Variants in UNC13C observed in about 807,000 individuals in gnomAD.
UNC13C encodes the protein protein unc-13 homolog C.
In UNC13C, 174 loss-of-function variants were observed where a neutral mutation model predicts 245.4. That is an observed-to-expected ratio of 0.71 (90% CI 0.63 to 0.80). The LOEUF is 0.80. Ranked by LOEUF, UNC13C falls within the 30% of genes least tolerant of loss-of-function variation. The pLI is 0.00. For missense variants in UNC13C, 2,829 were observed against 2,602.9 expected, an observed-to-expected ratio of 1.09 and a Z score of -1.89; for synonymous variants, 992 against 895.1, an observed-to-expected ratio of 1.11 and a Z score of -1.93.
chr15:54,118,530 CCTT>C (rs2030436365), intron 2 of UNC13C, among the ~76,000 whole-genome samples: 1 of 151,816 alleles, frequency 6.6e-6, no homozygotes, highest in Non-Finnish European at 1.5e-5. Context: ...TTCGTTTATC[CCTT>C]CTTATAATTT....
intron 30 of UNC13C, among the ~76,000 whole-genome samples, chr15:54,614,941 T>C (rs1341100768): frequency 1.3e-5 from 2 of 152,100 alleles, no homozygotes; most frequent in African/African-American, 2.4e-5. Context: ...AGAAGCTATC[T>C]CCAGTGAGTT....
intron 30 of UNC13C, among the ~76,000 whole-genome samples, chr15:54,620,800 A>C (rs996900525): frequency 1.3e-5 from 2 of 151,644 alleles, no homozygotes; most frequent in Non-Finnish European, 2.9e-5. Context: ...AAAAAAAAAA[A>C]ACCTCTCTCC....
At chr15:54,038,124 A>ATATATTTTTTTTTTTTTTTT in intron 2 of UNC13C, among the ~76,000 whole-genome samples, 9 of 45,032 alleles carry the variant, frequency 2.0e-4, no homozygotes, top group East Asian at 2.2e-3. Flanking sequence ...ATATATATAT[A>ATATATTTTTTTTTTTTTTTT]TTTTTTTTTT....
At chr15:53,985,188 G>A (rs146757153) in intron 1 of UNC13C, among the ~76,000 whole-genome samples, 12 of 151,966 alleles carry the variant, frequency 7.9e-5, no homozygotes, top group African/African-American at 2.7e-4. Context: ...ATGAGTGAGA[G>A]CATGTGGTGT....
rs113750189 is a variant in UNC13C at position 54,097,553 on chromosome 15, A to G, written c.2984-45465A>G. Among the ~76,000 whole-genome samples, 253 of 152,324 alleles carry G rather than the reference A, an allele frequency of 1.7e-3. 1 individual carries two copies. The highest frequency in any genetic ancestry group is 2.9e-3 in the Non-Finnish European group (194 of 68,022). ...TAACTTGTAATGGAATCTGGGCCCC[A>G]AGTGAAATGAGTTATTTTCTAGAAA... On this transcript the variant is annotated intron_variant, in intron 2 of 32. Transcript: ENST00000260323.
At chr15:54,323,959 C>T (rs2038230600) in intron 14 of UNC13C, among the ~76,000 whole-genome samples, 1 of 151,966 alleles carries the variant, frequency 6.6e-6, no homozygotes, top group Non-Finnish European at 1.5e-5. Flanking sequence ...AGATAACATG[C>T]TCCTTTACTT....
chr15:54,365,636 G>T (rs1017944325), intron 17 of UNC13C, among the ~76,000 whole-genome samples: 1 of 151,970 alleles, frequency 6.6e-6, no homozygotes, highest in Non-Finnish European at 1.5e-5. Flanking sequence ...GATTTTATGT[G>T]TTAACTATGA....
chr15:54,622,169 A>ATACTT (rs1441377127), intron 30 of UNC13C, among the ~76,000 whole-genome samples, 158 bp from the exon 31 acceptor site: 1 of 152,214 alleles, frequency 6.6e-6, no homozygotes, highest in Admixed American at 6.5e-5. Context: ...CTTGCATTTC[A>ATACTT]TACTTAAGTG....
intron 2 of UNC13C, among the ~76,000 whole-genome samples, chr15:54,078,904 G>A (rs1447834227): frequency 6.6e-6 from 1 of 152,068 alleles, no homozygotes; most frequent in South Asian, 2.1e-4. Context: ...ATCCAGAAGA[G>A]TTTCTCCTAG....
chr15:54,630,523 A>C (rs749745970), downstream of UNC13C: 15 of 152,216 alleles, frequency 9.9e-5, no homozygotes, highest in Non-Finnish European at 2.1e-4. Context: ...ATAAATGATC[A>C]TACTTATACA....
At chr15:54,511,860 A>G (rs1239438965) in intron 24 of UNC13C, 30 bp downstream of exon 24, 1 of 1,513,928 alleles carries the variant, frequency 6.6e-7, no homozygotes, top group African/African-American at 1.4e-5. Context: ...ACATTTGCTA[A>G]AAACCTACTT....
the UNC13C span, among the ~76,000 whole-genome samples, chr15:53,960,604 T>A: frequency 6.6e-6 from 1 of 152,214 alleles, no homozygotes; most frequent in African/African-American, 2.4e-5. Context: ...AAGAATGTGA[T>A]CTGGAAATGA....
intron 30 of UNC13C, among the ~76,000 whole-genome samples, chr15:54,619,512 A>G (rs1048566384): frequency 1.3e-5 from 2 of 152,198 alleles, no homozygotes; most frequent in East Asian, 3.9e-4. Context: ...GTGTGTGAAC[A>G]GGAACACAGT....
intron 1 of UNC13C, among the ~76,000 whole-genome samples, chr15:53,980,270 G>T (rs527779200): frequency 3.9e-5 from 6 of 152,148 alleles, no homozygotes; most frequent in Non-Finnish European, 5.9e-5. Flanking sequence ...AAAATTCCAC[G>T]CATGACTATA....
intron 2 of UNC13C, among the ~76,000 whole-genome samples, chr15:54,072,153 A>G (rs1345331684): frequency 1.3e-5 from 2 of 152,152 alleles, no homozygotes; most frequent in South Asian, 4.1e-4. Context: ...ACTCTGATCT[A>G]TGGCTGACCT....
intron 4 of UNC13C, among the ~76,000 whole-genome samples, chr15:54,165,890 C>A (rs2033147019): frequency 6.6e-6 from 1 of 151,848 alleles, no homozygotes; most frequent in South Asian, 2.1e-4. Flanking sequence ...TCTGAAAGGT[C>A]AAAATGCATC....
rs570686128 is a variant in UNC13C at position 54,553,278 on chromosome 15, TAGA to T, written c.5878-2152_5878-2150del. Among the ~76,000 whole-genome samples the T allele has an allele frequency of 6.9e-3, 696 of 101,350 alleles. 18 individuals carry two copies. Among genetic ancestry groups the T allele is most frequent in the Admixed American group, 0.012 (87 of 7,558 alleles). The allele number at this position is 101,350 out of a possible 152,430, so 66.5% of individuals were successfully genotyped here. A position where few individuals can be genotyped will look rare whatever the true frequency, so the allele number is the denominator to read the frequency against. The stretch of plus-strand genomic sequence containing the variant: ...ATATATTGTATTCTATATTACAATA[TAGA>T]ATATTATATATTGTATTCTATATTA... On this transcript the variant is annotated intron_variant, in intron 28 of 32. Transcript: ENST00000260323.
At chr15:54,068,171 A>G (rs1898156897) in intron 2 of UNC13C, among the ~76,000 whole-genome samples, 1 of 152,168 alleles carries the variant, frequency 6.6e-6, no homozygotes, top group East Asian at 1.9e-4. Flanking sequence ...CAGCAACGTA[A>G]CCTGAACAAT....
intron 26 of UNC13C, among the ~76,000 whole-genome samples, chr15:54,541,201 TA>T: frequency 6.6e-6 from 1 of 152,192 alleles, no homozygotes; most frequent in African/African-American, 2.4e-5. Context: ...TACTTTAACA[TA>T]AAAATGTGTC....
Sources: gnomAD v4.1 joint callset for allele counts (sites outside exome capture counted in the v4.1 genomes callset) on GRCh38, gnomAD v4.1.1 for gene constraint, MANE v1.5 for transcripts, NCBI Gene and HGNC (gene_info 2026-07-23, HGNC 2026-07-21) for gene names.